SPATA4: variants seen among roughly 807,000 people sequenced by gnomAD.
The protein encoded by SPATA4 is spermatogenesis associated 4, also known as spermatogenesis-associated protein 4.
In SPATA4, 35 loss-of-function variants were observed where a neutral mutation model predicts 31.8. The observed-to-expected ratio is 1.10, with a 90% CI of 0.84 to 1.46. SPATA4 has a LOEUF of 1.46. SPATA4 is among the 40% of genes most tolerant of loss of function. SPATA4 has a pLI of 0.00. For synonymous variants in SPATA4, 126 were observed against 132.4 expected, an observed-to-expected ratio of 0.95 and a Z score of 0.33; for missense variants, 394 against 363.1, an observed-to-expected ratio of 1.09 and a Z score of -0.69.
chr4:176,190,058 C>T (rs1412565491), intron 4 of SPATA4, among the ~76,000 whole-genome samples: 1 of 152,116 alleles, frequency 6.6e-6, no homozygotes, highest in Non-Finnish European at 1.5e-5. Context: ...CAGAACAGGA[C>T]AGGGATCTTC....
intron 1 of SPATA4, 51 bp downstream of exon 1, chr4:176,195,294 A>C: frequency 6.3e-7 from 1 of 1,595,038 alleles, no homozygotes; most frequent in Non-Finnish European, 8.6e-7. Context: ...AGGCGGCGGA[A>C]AGCAGGCGGG....
Position 176,192,768 on chromosome 4 carries a change from T to C in SPATA4, c.547A>G (p.Thr183Ala). Reference protein sequence around the residue: ...QMRLPLVSRSTVSKSIKDNIR... With the variant: ...QMRLPLVSRSAVSKSIKDNIR... ...TTATCTTTAATAGACTTCGAAACTG[T>C]AGACCTGGAAACCAGGGGTAAACGC... The change falls in exon 4 of 6, where the codon ACA (threonine) becomes GCA (alanine). Residue 183 changes from threonine to alanine, a missense_variant. Coordinates refer to ENST00000280191, the MANE Select transcript of SPATA4 (RefSeq NM_144644.4). 1 of 1,614,128 alleles carries C rather than the reference T, an allele frequency of 6.2e-7. No homozygotes were observed.
In SPATA4 at chr4:176,192,999, T is replaced by C. The variant is rs755763604; in HGVS notation, c.426A>G (p.Glu142=). 6.2e-7 allele frequency: 1 copy of C among 1,610,504 alleles called. No individual in the cohort carries two copies. The highest frequency in any genetic ancestry group is 1.7e-5 in the Admixed American group (1 of 59,410). The change falls in exon 3 of 6, where the codon GAA becomes GAG. Residue 142 remains glutamate (E), a synonymous_variant. Transcript: ENST00000280191. ...AAGTGTAAACCTCTTCTATCAATAT[T>C]TCAGGCACTCCAGCTTTACAATGAA... ...GTIHCKAGVP[E]ILIEEVYTLL...
At position 176,184,630 on chromosome 4, in the gene SPATA4, T is replaced by G. The variant is rs1752408946; in HGVS notation, c.*150A>C. 1 of 430,456 alleles carries G rather than the reference T, an allele frequency of 2.3e-6. No homozygotes were observed. The highest frequency in any genetic ancestry group is 3.6e-5 in the East Asian group (1 of 28,088). 26.7% of individuals were successfully genotyped at this position (430,456 alleles called of 1,614,324 possible). The stretch of plus-strand genomic sequence containing the variant: ...TGGCATAGGAGTTTAATAAACAAAT[T>G]GAATGGAAAAGAAATGTTCTTTAAC... On this transcript the variant is annotated 3_prime_UTR_variant, in exon 6 of 6. Coordinates refer to ENST00000280191, the MANE Select transcript of SPATA4 (RefSeq NM_144644.4).
At chr4:176,188,000 G>A in intron 5 of SPATA4, 119 bp downstream of exon 5, 1 of 737,968 alleles carries the variant, frequency 1.4e-6, no homozygotes, top group Non-Finnish European at 2.4e-6. Flanking sequence ...AATTGGCAGT[G>A]TAGGACTGAA....
In SPATA4 at chr4:176,188,114, C is replaced by A; in HGVS notation, c.805+5G>T. ...AATTTTAAGAAGCAAAGAGTTAAAA[C>A]TTACGTAAAACAGGGACAACTCTTC... is the stretch of plus-strand genomic sequence containing the variant. On this transcript the variant is annotated splice_donor_5th_base_variant and intron_variant, in intron 5 of 5. Coordinates refer to ENST00000280191, the MANE Select transcript of SPATA4 (RefSeq NM_144644.4). 1 of 1,597,260 alleles carries A rather than the reference C, an allele frequency of 6.3e-7. No homozygotes were observed. The highest frequency in any genetic ancestry group is 8.6e-7 in the Non-Finnish European group (1 of 1,166,178).
intron 4 of SPATA4, among the ~76,000 whole-genome samples, chr4:176,191,669 T>C (rs186948851): frequency 2.0e-5 from 3 of 152,342 alleles, no homozygotes; most frequent in African/African-American, 4.8e-5. Context: ...GATAAAACTC[T>C]TCTCATTAAT....
intron 4 of SPATA4, 109 bp from the exon 5 acceptor site, chr4:176,188,344 C>G: frequency 1.4e-6 from 1 of 723,190 alleles, no homozygotes; most frequent in South Asian, 2.1e-5. Context: ...TTCTGTTTAT[C>G]ATATTCCTGA....
intron 2 of SPATA4, 130 bp from the exon 3 acceptor site, chr4:176,193,206 A>G (rs1752560650): frequency 1.3e-6 from 1 of 767,500 alleles, no homozygotes; most frequent in African/African-American, 1.8e-5. Flanking sequence ...GTTAGTTATT[A>G]AAAGATAATA....
Position 176,195,494 on chromosome 4 carries a change from T to C in SPATA4, c.69A>G (p.Ser23=), listed in dbSNP as rs770624385. Residue 23 remains serine (S), a synonymous_variant, in exon 1 of 6, where the codon TCA becomes TCG. Transcript: ENST00000280191. Reference sequence around the variant, plus strand: ...TGGGAGCTGCTAGCTGTGGCGAAAGTGACGGTGACTTGTCTAGGGCTGCCG... The same window carrying C: ...TGGGAGCTGCTAGCTGTGGCGAAAGCGACGGTGACTTGTCTAGGGCTGCCG... ...QTAAALDKSP[S]LSPQLAAPIR... 1 of 1,614,254 alleles carries C rather than the reference T, an allele frequency of 6.2e-7. No individual in the cohort carries two copies. Among genetic ancestry groups the C allele is most frequent in the Non-Finnish European group, 8.5e-7 (1 of 1,180,056 alleles).
At chr4:176,185,212 A>T (rs1284657885) in intron 5 of SPATA4, among the ~76,000 whole-genome samples, 3 of 152,152 alleles carry the variant, frequency 2.0e-5, no homozygotes, top group Non-Finnish European at 4.4e-5. Context: ...ACAGTAGCAC[A>T]ATTTTATACT....
In SPATA4 at chr4:176,195,494, T is replaced by G. The variant is rs770624385; in HGVS notation, c.69A>C (p.Ser23=). 1.3e-5 allele frequency: 21 copies of G among 1,614,136 alleles called. No homozygotes were observed. The African/African-American group carries it at 2.1e-4, about 16-fold the overall frequency. ...QTAAALDKSP[S]LSPQLAAPIR... is the part of the protein sequence containing the mutation. ...TGGGAGCTGCTAGCTGTGGCGAAAG[T>G]GACGGTGACTTGTCTAGGGCTGCCG... is the stretch of plus-strand genomic sequence containing the variant. The change falls in exon 1 of 6, where the codon TCA becomes TCC. Residue 23 remains serine, a synonymous_variant. Coordinates refer to ENST00000280191, the MANE Select transcript of SPATA4 (RefSeq NM_144644.4).
rs750680075 is a variant in SPATA4 at position 176,195,336 on chromosome 4, C to T, written c.218+9G>A. On this transcript the variant is annotated intron_variant, in intron 1 of 5. Coordinates refer to ENST00000280191, the MANE Select transcript of SPATA4 (RefSeq NM_144644.4). ...ACCGGGGGGGCCTAGGACTGGCTTA[C>T]TCAAGCACCTGTTGATGTTCCTGGG... 15 of 1,613,834 alleles carry T rather than the reference C, an allele frequency of 9.3e-6. No individual in the cohort carries two copies. Among genetic ancestry groups the T allele is most frequent in the Non-Finnish European group, 1.2e-5 (14 of 1,179,966 alleles).
chr4:176,190,573 C>A (rs2126923268), intron 4 of SPATA4, among the ~76,000 whole-genome samples: 1 of 152,296 alleles, frequency 6.6e-6, no homozygotes, highest in Admixed American at 6.5e-5. Context: ...CCCAGGCTCA[C>A]TCAGCTCTTT....
chr4:176,190,649 A>G (rs915478105), intron 4 of SPATA4, among the ~76,000 whole-genome samples: 3 of 152,212 alleles, frequency 2.0e-5, no homozygotes, highest in Admixed American at 6.5e-5. Flanking sequence ...TGTCAGCCCA[A>G]GGTAATTCTT....
Position 176,195,363 on chromosome 4 carries a change from A to T in SPATA4, c.200T>A (p.Phe67Tyr). ...CAAGCACCTGTTGATGTTCCTGGGG[A>T]AGAAGCTGAGATCCAGACCCTGAAG... ...RWLQGLDLSF[F>Y]PRNINRDFSN... is the part of the protein sequence containing the mutation. Residue 67 changes from phenylalanine (F) to tyrosine (Y), a missense_variant, in exon 1 of 6, where the codon TTC (phenylalanine) becomes TAC (tyrosine). Physicochemically the swap from Phe to Tyr is conservative, Grantham distance 22 (BLOSUM62 3). Transcript: ENST00000280191. 6.2e-7 allele frequency: 1 copy of T among 1,614,088 alleles called. No homozygotes were observed. Among genetic ancestry groups the T allele is most frequent in the East Asian group, 2.2e-5 (1 of 44,846 alleles).
rs750193139 is a variant in SPATA4 at position 176,193,536 on chromosome 4, A to C, written c.265T>G (p.Tyr89Asp). The change falls in exon 2 of 6, where the codon TAC becomes GAC. Residue 89 changes from tyrosine (Y) to aspartate (D), a missense_variant. Transcript: ENST00000280191. The part of the protein sequence containing the change: ...FLIAEIFCIY[Y>D]PWELELSSFE... ...GATGATAATTCAAGTTCCCAGGGGT[A>C]ATATATACAGAATATTTCTGCAATT... The C allele has an allele frequency of 6.2e-7, 1 of 1,613,266 alleles. No individual in the cohort carries two copies. Among genetic ancestry groups the C allele is most frequent in the South Asian group, 1.1e-5 (1 of 90,968 alleles).
chr4:176,193,619 GTTAA>G, intron 1 of SPATA4, 37 bp from the exon 2 acceptor site: 1 of 1,550,472 alleles, frequency 6.4e-7, no homozygotes. Context: ...ATAAAGTGTA[GTTAA>G]TTATGCAGTT....
Position 176,184,688 on chromosome 4 carries a change from A to G in SPATA4, c.*92T>C, listed in dbSNP as rs995980052. On this transcript the variant is annotated 3_prime_UTR_variant, in exon 6 of 6. Coordinates refer to ENST00000280191, the MANE Select transcript of SPATA4 (RefSeq NM_144644.4). ...TGGAAAAGACACCACTCTATTTATT[A>G]TTGAAATACATCCAATACTAGGTGA... 6.6e-6 allele frequency: 4 copies of G among 608,224 alleles called. No individual in the cohort carries two copies. In the African/African-American group the frequency reaches 7.6e-5, roughly 12 times the overall value. 37.7% of individuals were successfully genotyped at this position (608,224 alleles called of 1,614,324 possible).
Sources: allele counts gnomAD v4.1 joint callset (sites outside exome capture counted in the v4.1 genomes callset), GRCh38; gene constraint gnomAD v4.1.1; transcripts MANE v1.5; gene names NCBI Gene and HGNC (gene_info 2026-07-23, HGNC 2026-07-21).